The following TRMT11 variants were observed in gnomAD, a reference collection of about 807,000 sequenced individuals.
TRMT11 encodes the protein tRNA methyltransferase 11.
Under a neutral mutation model 62.8 loss-of-function variants are expected in TRMT11, and 53 were observed. That is an observed-to-expected ratio of 0.84 (90% CI 0.68 to 1.06). TRMT11 has a LOEUF of 1.06. TRMT11 is among the 50% of genes least tolerant of loss of function. The pLI is 0.00. For missense variants in TRMT11, 556 were observed against 553.4 expected (o/e 1.00, Z -0.05); for synonymous variants, 188 against 190.3 (o/e 0.99, Z 0.10).
At chr6:126,179,516 A>G (rs1486096080) in intron 1 of TRMT11, among the ~76,000 whole-genome samples, 1 of 152,164 alleles carries the variant, frequency 6.6e-6, no homozygotes, top group African/African-American at 2.4e-5. Flanking sequence ...CCAGGATATC[A>G]CACTGAACAA....
At chr6:126,121,142 T>A (rs1199534693) in intron 21 of TRMT11, among the ~76,000 whole-genome samples, 1 of 152,146 alleles carries the variant, frequency 6.6e-6, no homozygotes, top group Non-Finnish European at 1.5e-5. Flanking sequence ...TATTAGATTA[T>A]CAATTTCTTA....
At chr6:126,099,767 A>G (rs912901887) in intron 17 of TRMT11, among the ~76,000 whole-genome samples, 4 of 152,206 alleles carry the variant, frequency 2.6e-5, no homozygotes, top group African/African-American at 9.7e-5. Context: ...ACAAACAAAC[A>G]AAAAAGAAGT....
the TRMT11 span, among the ~76,000 whole-genome samples, chr6:126,214,564 G>C: frequency 1.3e-5 from 2 of 151,630 alleles, no homozygotes; most frequent in Non-Finnish European, 3.0e-5. Context: ...GAATTTCTGT[G>C]GTATCAGTTG....
chr6:126,004,136 A>G (rs998174717), intron 7 of TRMT11, among the ~76,000 whole-genome samples: 1 of 152,110 alleles, frequency 6.6e-6, no homozygotes, highest in Non-Finnish European at 1.5e-5. Context: ...ATTAATATAT[A>G]TACATACACA....
At chr6:126,084,862 T>C (rs1777196979) in intron 17 of TRMT11, among the ~76,000 whole-genome samples, 1 of 152,150 alleles carries the variant, frequency 6.6e-6, no homozygotes, top group Non-Finnish European at 1.5e-5. Context: ...GCATGATCTC[T>C]ATGAGTCTAA....
chr6:126,144,486 A>T (rs1222010858), intron 21 of TRMT11, among the ~76,000 whole-genome samples: 2 of 152,300 alleles, frequency 1.3e-5, no homozygotes, highest in Non-Finnish European at 2.9e-5. Context: ...GAACCAGCTA[A>T]TGAGGGTGCA....
chr6:126,171,808 T>C lies in TRMT11; in HGVS notation c.*1824-3017T>C, dbSNP rs139752651. On this transcript the variant is annotated intron_variant and NMD_transcript_variant, in intron 21 of 22. Transcript: ENST00000648977. ...ATCTCGGCTCACTGCAACTTCTGCC[T>C]CCCGGCTTCAAACGATTCTCCTGCC... 2.9e-3 allele frequency among the ~76,000 whole-genome samples: 439 copies of C among 151,406 alleles called. 1 individual carries two copies. Among genetic ancestry groups the C allele is most frequent in the African/African-American group, 0.01 (421 of 41,200 alleles).
intron 21 of TRMT11, among the ~76,000 whole-genome samples, chr6:126,131,122 A>C (rs1303269478): frequency 6.6e-6 from 1 of 152,110 alleles, no homozygotes; most frequent in African/African-American, 2.4e-5. Context: ...CTGTGGAAAA[A>C]CGAAGCAGAA....
rs1206658599 is a variant in TRMT11 at position 126,179,525 on chromosome 6, A to G, written n.143+2190A>G. 2.0e-5 allele frequency among the ~76,000 whole-genome samples: 3 copies of G among 152,188 alleles called. No individual in the cohort carries two copies. In the East Asian group the frequency reaches 5.8e-4, roughly 29 times the overall value. ...TGGCTTCCAGGATATCACACTGAACAAAGTTTTTTTTCTACTTTTCTGACT... is the reference window on the plus strand; with the variant it reads ...TGGCTTCCAGGATATCACACTGAACGAAGTTTTTTTTCTACTTTTCTGACT... On this transcript the variant is annotated intron_variant and non_coding_transcript_variant, in intron 1 of 3. Transcript: ENST00000444229.
the TRMT11 span, chr6:126,258,023 C>T: frequency 3.0e-5 from 45 of 1,491,060 alleles, no homozygotes; most frequent in Admixed American, 7.6e-4. Flanking sequence ...CCAGCAGCTC[C>T]TCGACCCTGG....
intron 7 of TRMT11, among the ~76,000 whole-genome samples, chr6:126,003,920 T>A (rs1792934522): frequency 6.6e-6 from 1 of 152,104 alleles, no homozygotes; most frequent in African/African-American, 2.4e-5. Flanking sequence ...CATTTGTGTT[T>A]TCTTCTAGTG....
the TRMT11 span, among the ~76,000 whole-genome samples, chr6:126,247,419 C>T: frequency 6.6e-6 from 1 of 151,062 alleles, no homozygotes; most frequent in African/African-American, 2.4e-5. Flanking sequence ...AGCCAATAAA[C>T]AGATAATTTA....
chr6:126,005,068 T>C (rs1409579808), intron 7 of TRMT11, among the ~76,000 whole-genome samples: 1 of 152,104 alleles, frequency 6.6e-6, no homozygotes, highest in East Asian at 1.9e-4. Flanking sequence ...GAAGTGCTAC[T>C]ATTCTCATGT....
the TRMT11 span, among the ~76,000 whole-genome samples, chr6:126,268,172 T>G: frequency 6.6e-6 from 1 of 152,024 alleles, no homozygotes; most frequent in African/African-American, 2.4e-5. Context: ...AACCACAGAT[T>G]TTGGGCAGAG....
intron 17 of TRMT11, among the ~76,000 whole-genome samples, chr6:126,098,549 C>A (rs536983225): frequency 1.3e-5 from 2 of 152,304 alleles, no homozygotes; most frequent in East Asian, 3.9e-4. Context: ...ACTGTACAAC[C>A]TGTTTGCATC....
At chr6:126,114,808 A>C (rs1191546699) in intron 19 of TRMT11, among the ~76,000 whole-genome samples, 1 of 152,084 alleles carries the variant, frequency 6.6e-6, no homozygotes, top group Non-Finnish European at 1.5e-5. Flanking sequence ...CAGCTATATT[A>C]CATCAGTTTT....
intron 21 of TRMT11, among the ~76,000 whole-genome samples, chr6:126,129,372 A>G (rs1245786173): frequency 6.6e-6 from 1 of 152,110 alleles, no homozygotes; most frequent in Non-Finnish European, 1.5e-5. Flanking sequence ...TGGAATACTC[A>G]CTAATGTTAA....
At chr6:126,041,522 T>C (rs760555715), downstream of TRMT11, among the ~76,000 whole-genome samples, 1 of 152,150 alleles carries the variant, frequency 6.6e-6, no homozygotes, top group South Asian at 2.1e-4. Flanking sequence ...CAAATATTGC[T>C]TATCCAAAGA....
In TRMT11 at chr6:126,012,990, T is replaced by C. The variant is rs1190035992; in HGVS notation, c.1028T>C (p.Val343Ala). 4 of 1,613,212 alleles carry C rather than the reference T, an allele frequency of 2.5e-6. No individual in the cohort carries two copies. Among genetic ancestry groups the C allele is most frequent in the Non-Finnish European group, 3.4e-6 (4 of 1,179,568 alleles). ...TGTAGTCCAGAAAGCCATGTTCCTG[T>C]TTCCTTGAGTTATCATCTGAGTGAT... ...WEKCPESHVPVSLSYHLSDMF... is the reference protein window; with the variant it reads ...WEKCPESHVPASLSYHLSDMF... Residue 343 changes from valine to alanine, a missense_variant, in exon 11 of 13, where the codon GTT becomes GCT. Coordinates refer to ENST00000334379, the MANE Select transcript of TRMT11 (RefSeq NM_001031712.3).
Sources: allele counts gnomAD v4.1 joint callset (sites outside exome capture counted in the v4.1 genomes callset), GRCh38; gene constraint gnomAD v4.1.1; transcripts MANE v1.5; gene names NCBI Gene and HGNC (gene_info 2026-07-23, HGNC 2026-07-21).